Variants in CPA6 observed in about 807,000 individuals in gnomAD.
CPA6 encodes the protein carboxypeptidase A6.
CPA6 carries 58 observed loss-of-function variants against 63.3 expected under a neutral mutation model. The ratio of observed to expected loss-of-function variants is 0.92; its 90% CI spans 0.74 to 1.14. The LOEUF (loss-of-function observed/expected upper bound fraction) is 1.14. Ranked by LOEUF, CPA6 falls within the 50% of genes most tolerant of loss-of-function variation. The pLI is 0.00. For missense variants in CPA6, 565 were observed against 526.6 expected (o/e 1.07, Z -0.71); for synonymous variants, 185 against 179.0 (o/e 1.03, Z -0.27).
At chr8:67,564,334 T>C (rs1813286018) in intron 2 of CPA6, among the ~76,000 whole-genome samples, 1 of 152,118 alleles carries the variant, frequency 6.6e-6, no homozygotes, top group Non-Finnish European at 1.5e-5. Flanking sequence ...TTTGTTTGTT[T>C]GTTTGGGGTT....
At chr8:67,715,515 A>G (rs1465706509) in intron 1 of CPA6, among the ~76,000 whole-genome samples, 2 of 152,164 alleles carry the variant, frequency 1.3e-5, no homozygotes, top group Non-Finnish European at 2.9e-5. Flanking sequence ...AGCTGTGTTT[A>G]CCTCTGTGAT....
intron 2 of CPA6, among the ~76,000 whole-genome samples, chr8:67,592,774 CT>C (rs987010760): frequency 7.0e-4 from 106 of 152,144 alleles, no homozygotes; most frequent in African/African-American, 2.1e-3. Flanking sequence ...TGATTCTTCT[CT>C]TTTTTCTTTA....
intron 8 of CPA6, among the ~76,000 whole-genome samples, chr8:67,447,889 A>C (rs938850280): frequency 1.3e-5 from 2 of 152,130 alleles, no homozygotes; most frequent in African/African-American, 4.8e-5. Context: ...GGTTCAAGCA[A>C]TTCTCCTGCT....
At chr8:67,480,535 T>C (rs1014231579) in intron 8 of CPA6, among the ~76,000 whole-genome samples, 2 of 152,246 alleles carry the variant, frequency 1.3e-5, no homozygotes, top group African/African-American at 2.4e-5. Context: ...TATTCCATTC[T>C]ATAAATATAC....
intron 1 of CPA6, among the ~76,000 whole-genome samples, chr8:67,649,617 T>C (rs1159925228): frequency 6.6e-6 from 1 of 152,178 alleles, no homozygotes; most frequent in East Asian, 1.9e-4. Flanking sequence ...CACAAGAGCA[T>C]TGGGAACTAA....
At chr8:67,659,942 T>C (rs1285059891) in intron 1 of CPA6, among the ~76,000 whole-genome samples, 2 of 152,192 alleles carry the variant, frequency 1.3e-5, no homozygotes, top group African/African-American at 4.8e-5. Context: ...AAAAAATGAA[T>C]TGGATAAGAT....
intron 1 of CPA6, among the ~76,000 whole-genome samples, chr8:67,628,306 G>A (rs1034523771): frequency 7.2e-5 from 11 of 152,180 alleles, no homozygotes; most frequent in Non-Finnish European, 1.6e-4. Flanking sequence ...CAGCAGCTAA[G>A]GAAGAGTATC....
chr8:67,592,164 G>T (rs1330458019), intron 2 of CPA6, among the ~76,000 whole-genome samples: 1 of 152,076 alleles, frequency 6.6e-6, no homozygotes, highest in Non-Finnish European at 1.5e-5. Context: ...TTTGTCTTTG[G>T]TTCTGTTTAT....
chr8:67,735,401 G>A (rs1489397735), intron 1 of CPA6: 1 of 152,232 alleles, frequency 6.6e-6, no homozygotes, highest in African/African-American at 2.4e-5. Flanking sequence ...TGGGAAGATG[G>A]ATGAGGAGAT....
chr8:67,557,011 AAGG>A (rs2128973800), intron 2 of CPA6, among the ~76,000 whole-genome samples: 1 of 152,332 alleles, frequency 6.6e-6, no homozygotes, highest in South Asian at 2.1e-4. Context: ...CGATAATAAA[AAGG>A]AGCTTTTATC....
intron 2 of CPA6, among the ~76,000 whole-genome samples, chr8:67,605,767 G>A (rs1045437476): frequency 3.9e-5 from 6 of 151,996 alleles, no homozygotes; most frequent in Admixed American, 1.3e-4. Flanking sequence ...GTTTTCCCTC[G>A]TTTCTGAGGC....
chr8:67,611,704 T>A (rs1406650789), intron 2 of CPA6, among the ~76,000 whole-genome samples: 1 of 152,204 alleles, frequency 6.6e-6, no homozygotes, highest in East Asian at 1.9e-4. Context: ...CTAGTTCTCA[T>A]ATGCTTTTTT....
chr8:67,492,839 T>C (rs1230419953), intron 6 of CPA6, among the ~76,000 whole-genome samples: 3 of 152,020 alleles, frequency 2.0e-5, no homozygotes, highest in Non-Finnish European at 4.4e-5. Context: ...TAAACAAATA[T>C]TGAATCAAAA....
At chr8:67,473,574 AT>A (rs1388806434) in intron 8 of CPA6, among the ~76,000 whole-genome samples, 2 of 152,162 alleles carry the variant, frequency 1.3e-5, no homozygotes, top group African/African-American at 4.8e-5. Flanking sequence ...AAGGCACAGA[AT>A]CCCCTATGGC....
At chr8:67,459,198 T>C (rs940297880) in intron 8 of CPA6, among the ~76,000 whole-genome samples, 2 of 152,210 alleles carry the variant, frequency 1.3e-5, no homozygotes, top group Non-Finnish European at 2.9e-5. Context: ...GTAATTTTTG[T>C]ATTTTTAGTA....
intron 2 of CPA6, among the ~76,000 whole-genome samples, chr8:67,609,952 G>A (rs1457074155): frequency 6.6e-6 from 1 of 152,194 alleles, no homozygotes; most frequent in Non-Finnish European, 1.5e-5. Context: ...AACCTGGGAG[G>A]TGGAGGTTGC....
At chr8:67,640,053 TG>T (rs1444823009) in intron 1 of CPA6, among the ~76,000 whole-genome samples, 2 of 151,300 alleles carry the variant, frequency 1.3e-5, no homozygotes, top group Non-Finnish European at 2.9e-5. Flanking sequence ...TCCTTGAGTC[TG>T]GGAATTTCAT....
chr8:67,522,273 C>A (rs1812273922), intron 2 of CPA6, among the ~76,000 whole-genome samples: 1 of 152,086 alleles, frequency 6.6e-6, no homozygotes, highest in Non-Finnish European at 1.5e-5. Flanking sequence ...ACTTTCAGGC[C>A]CCCTCTCACA....
At chr8:67,533,097 T>A (rs1324479625) in intron 2 of CPA6, among the ~76,000 whole-genome samples, 1 of 152,200 alleles carries the variant, frequency 6.6e-6, no homozygotes, top group Non-Finnish European at 1.5e-5. Context: ...TTGTTACTCT[T>A]GTTTCTAGTT....
Sources: gnomAD v4.1 joint callset for allele counts (sites outside exome capture counted in the v4.1 genomes callset) on GRCh38, gnomAD v4.1.1 for gene constraint, MANE v1.5 for transcripts, NCBI Gene and HGNC (gene_info 2026-07-23, HGNC 2026-07-21) for gene names.